Variants in GRIA1 observed in about 807,000 individuals in gnomAD.
GRIA1 encodes the protein glutamate ionotropic receptor AMPA type subunit 1, also known as glutamate receptor 1.
Under a neutral mutation model 99.2 loss-of-function variants are expected in GRIA1, and 31 were observed. The observed-to-expected ratio is 0.31, with a 90% CI of 0.23 to 0.42. GRIA1 has a LOEUF of 0.42. Ranked by LOEUF, GRIA1 falls within the 10% of genes least tolerant of loss-of-function variation. GRIA1 has a pLI of 1.00. For synonymous variants in GRIA1, 438 were observed against 432.4 expected, an observed-to-expected ratio of 1.01 and a Z score of -0.16; for missense variants, 782 against 1,157.5, an observed-to-expected ratio of 0.68 and a Z score of 4.71.
intron 8 of GRIA1, among the ~76,000 whole-genome samples, chr5:153,690,068 T>C (rs1444337455): frequency 6.6e-6 from 1 of 152,092 alleles, no homozygotes; most frequent in Non-Finnish European, 1.5e-5. Context: ...GAGGCCTTAT[T>C]TAAAACGCAG....
In GRIA1 at chr5:153,703,261, GT is replaced by G. The variant is rs1758659769; in HGVS notation, c.1453-2432del. 1.3e-5 allele frequency among the ~76,000 whole-genome samples: 2 copies of G among 152,156 alleles called. 1 individual carries two copies. The highest frequency in any genetic ancestry group is 4.1e-4 in the South Asian group (2 of 4,828). ...AAGATGAATGACCCATGGCCAAATA[GT>G]TTTGGAAATGCCACATTCTACTTAC... On this transcript the variant is annotated intron_variant, in intron 10 of 15. Coordinates refer to ENST00000285900, the MANE Select transcript of GRIA1 (RefSeq NM_000827.4).
intron 11 of GRIA1, among the ~76,000 whole-genome samples, chr5:153,756,174 G>A (rs1762814973): frequency 6.6e-6 from 1 of 152,222 alleles, no homozygotes; most frequent in Admixed American, 6.5e-5. Flanking sequence ...ATACCTCACA[G>A]ACCAGGAATT....
chr5:153,762,862 T>C (rs567735756), intron 11 of GRIA1, among the ~76,000 whole-genome samples: 1 of 152,330 alleles, frequency 6.6e-6, no homozygotes, highest in Admixed American at 6.5e-5. Flanking sequence ...ATTTAAGTAG[T>C]ATTTGTTTTC....
chr5:153,637,593 G>T (rs1753461030), intron 2 of GRIA1, among the ~76,000 whole-genome samples: 1 of 152,160 alleles, frequency 6.6e-6, no homozygotes, highest in Admixed American at 6.5e-5. Context: ...AACATCTTCA[G>T]GGTTGAGTTC....
rs545581159 is a variant in GRIA1, at chr5:153,769,276, C to A, written c.2023-892C>A. On this transcript the variant is annotated intron_variant, in intron 12 of 15. Coordinates refer to ENST00000285900, the MANE Select transcript of GRIA1 (RefSeq NM_000827.4). ...TTCCTAAAAAAGATGTATTCTAGGT[C>A]CCACCTCAGAATTGCTGAATCAGAA... is the stretch of plus-strand genomic sequence containing the variant. 9.9e-5 allele frequency among the ~76,000 whole-genome samples: 15 copies of A among 152,230 alleles called. No individual in the cohort carries two copies. The East Asian group carries it at 2.5e-3, about 26-fold the overall frequency.
rs184201995 is a variant in GRIA1, at chr5:153,642,317, T to A, written c.221-4611T>A. Among the ~76,000 whole-genome samples, 313 of 152,298 alleles carry A rather than the reference T, an allele frequency of 2.1e-3. 1 individual carries two copies. Among genetic ancestry groups the A allele is most frequent in the African/African-American group, 7.4e-3 (308 of 41,560 alleles). On this transcript the variant is annotated intron_variant, in intron 2 of 15. Coordinates refer to ENST00000285900, the MANE Select transcript of GRIA1 (RefSeq NM_000827.4). ...CCTTGTGCTGTTTCTAGACCTCACT[T>A]CTCCAATTTGAAACCCACCTCAGGG... is the stretch of plus-strand genomic sequence containing the variant.
intron 2 of GRIA1, among the ~76,000 whole-genome samples, chr5:153,535,591 T>A (rs760541488): frequency 1.3e-5 from 2 of 152,258 alleles, no homozygotes; most frequent in Non-Finnish European, 2.9e-5. Context: ...GTAATGTGAA[T>A]GTGAACAGTT....
chr5:153,800,411 G>A (rs1273096278), intron 14 of GRIA1, among the ~76,000 whole-genome samples: 3 of 152,194 alleles, frequency 2.0e-5, no homozygotes, highest in African/African-American at 7.2e-5. Flanking sequence ...AAAATCATGT[G>A]AAGTGGGAAT....
At chr5:153,518,992 C>CG (rs1756881252) in intron 2 of GRIA1, among the ~76,000 whole-genome samples, 1 of 152,128 alleles carries the variant, frequency 6.6e-6, no homozygotes, top group South Asian at 2.1e-4. Flanking sequence ...AGGCCAGGCA[C>CG]GGTGGCTTAC....
intron 4 of GRIA1, among the ~76,000 whole-genome samples, chr5:153,652,870 A>G (rs1218434023): frequency 1.3e-5 from 2 of 152,178 alleles, no homozygotes; most frequent in African/African-American, 4.8e-5. Flanking sequence ...CTGACTTACA[A>G]TCTCACACTT....
intron 15 of GRIA1, among the ~76,000 whole-genome samples, chr5:153,806,922 G>C (rs1766469895): frequency 6.6e-6 from 1 of 152,274 alleles, no homozygotes; most frequent in South Asian, 2.1e-4. Context: ...ACTCCAACAT[G>C]GTCTCCACAA....
chr5:153,793,251 G>A (rs568181120), intron 13 of GRIA1, among the ~76,000 whole-genome samples: 1 of 152,304 alleles, frequency 6.6e-6, no homozygotes, highest in Admixed American at 6.5e-5. Context: ...ACAGGCACCT[G>A]GGATTCATAA....
At chr5:153,735,540 T>C (rs1367955112) in intron 11 of GRIA1, among the ~76,000 whole-genome samples, 8 of 152,286 alleles carry the variant, frequency 5.3e-5, no homozygotes, top group South Asian at 4.1e-4. Context: ...GGGTGTAGCA[T>C]TGGGCTGTCT....
intron 2 of GRIA1, among the ~76,000 whole-genome samples, chr5:153,541,655 G>A (rs1478519250): frequency 6.6e-6 from 1 of 152,120 alleles, no homozygotes; most frequent in Non-Finnish European, 1.5e-5. Context: ...GAAAAGGCCG[G>A]ACACTGTGGC....
At chr5:153,738,761 T>G (rs1202454532) in intron 11 of GRIA1, among the ~76,000 whole-genome samples, 1 of 148,304 alleles carries the variant, frequency 6.7e-6, no homozygotes, top group African/African-American at 2.5e-5. Context: ...TCGCTCTTGT[T>G]GCCCAGGCTG....
rs193039550 is a variant in GRIA1 at position 153,544,714 on chromosome 5, G to A, written c.220+50649G>A. Among the ~76,000 whole-genome samples, 276 of 152,222 alleles carry A rather than the reference G, an allele frequency of 1.8e-3. 2 individuals carry two copies. Among genetic ancestry groups the A allele is most frequent in the African/African-American group, 6.1e-3 (252 of 41,544 alleles). ...GGCAGGATATCTGGAAAATGCCAAG[G>A]TCAGGGAAAAGCCGAGAGGAAAAGA... On this transcript the variant is annotated intron_variant, in intron 2 of 15. Transcript: ENST00000285900.
intron 2 of GRIA1, among the ~76,000 whole-genome samples, chr5:153,586,385 G>A (rs746255727): frequency 2.6e-4 from 39 of 152,152 alleles, no homozygotes; most frequent in Non-Finnish European, 5.0e-4. Flanking sequence ...CTCATTCACC[G>A]AGTAAGGAGA....
At chr5:153,804,043 G>A (rs543497430) in intron 15 of GRIA1, among the ~76,000 whole-genome samples, 4 of 151,976 alleles carry the variant, frequency 2.6e-5, no homozygotes, top group East Asian at 1.9e-4. Context: ...CCATACTTTC[G>A]CCCCCACCTC....
chr5:153,674,731 C>A, intron 6 of GRIA1, 70 bp downstream of exon 6: 2 of 1,467,844 alleles, frequency 1.4e-6, no homozygotes. Context: ...TTCTGAGCTG[C>A]ATTAGTCTTT....
Sources: allele counts gnomAD v4.1 joint callset (sites outside exome capture counted in the v4.1 genomes callset), GRCh38; gene constraint gnomAD v4.1.1; transcripts MANE v1.5; gene names NCBI Gene and HGNC (gene_info 2026-07-23, HGNC 2026-07-21).